The following NAGA variants were observed in gnomAD, a reference collection of about 807,000 sequenced individuals.
NAGA encodes the protein Acetylgalactosaminidase, alpha-N- (alpha-galactosidase B).
A neutral mutation model predicts 45.6 loss-of-function variants in NAGA; 42 were observed. The observed-to-expected ratio is 0.92, with a 90% CI of 0.72 to 1.19. The LOEUF is 1.19. NAGA is among the 50% of genes most tolerant of loss of function. The pLI is 0.00. For synonymous variants in NAGA, 176 were observed against 203.1 expected, an observed-to-expected ratio of 0.87 and a Z score of 1.13; for missense variants, 493 against 544.8, an observed-to-expected ratio of 0.90 and a Z score of 0.95.
In NAGA at chr22:42,062,905, G is replaced by A. The variant is rs969875692; in HGVS notation, c.879C>T (p.Asn293=). The A allele has an allele frequency of 2.5e-6, 4 of 1,614,072 alleles. No individual in the cohort carries two copies. The highest frequency in any genetic ancestry group is 2.7e-5 in the African/African-American group (2 of 74,902). ...STDLRTISAQ[N]MDILQNPLMI... ...TGAGTGGATTCTGCAGAATGTCCATGTTCTGGGCGGAGATGGTACGCAGGT... is the reference window on the plus strand; with the variant it reads ...TGAGTGGATTCTGCAGAATGTCCATATTCTGGGCGGAGATGGTACGCAGGT... Residue 293 remains asparagine, a synonymous_variant, in exon 7 of 9, where the codon AAC becomes AAT. Coordinates refer to ENST00000396398, the MANE Select transcript of NAGA (RefSeq NM_000262.3).
intron 2 of NAGA, among the ~76,000 whole-genome samples, 198 bp downstream of exon 2, chr22:42,068,241 T>C (rs928114116): frequency 1.3e-5 from 2 of 152,116 alleles, no homozygotes; most frequent in Non-Finnish European, 2.9e-5. Context: ...CGTGACCAGG[T>C]TGGGGCCTGA....
chr22:42,068,341 C>CT, intron 2 of NAGA, 98 bp downstream of exon 2: 4 of 1,589,524 alleles, frequency 2.5e-6, no homozygotes, highest in Non-Finnish European at 1.7e-6. Flanking sequence ...ATGGAGAACT[C>CT]TGACCTTGCC....
At position 42,068,543 on chromosome 22, in the gene NAGA, C is replaced by T. The variant is rs1926877276; in HGVS notation, c.48G>A (p.Leu16=). 1 of 1,614,156 alleles carries T rather than the reference C, an allele frequency of 6.2e-7. No individual in the cohort carries two copies. The highest frequency in any genetic ancestry group is 1.3e-5 in the African/African-American group (1 of 75,036). Residue 16 remains leucine, a synonymous_variant, in exon 2 of 9, where the codon CTG becomes CTA. Coordinates refer to ENST00000396398, the MANE Select transcript of NAGA (RefSeq NM_000262.3). ...TCTGCAGGAGCCCATTGTCCAGCAT[C>T]AGCACCTGGGCCACATGTCCCAGCA... ...VLLLGHVAQV[L]MLDNGLLQTP...
chr22:42,063,055 T>C lies in NAGA; in HGVS notation c.760-31A>G, dbSNP rs770149733. ...GGCAGAGAAGAGGAGTAGTCAGCTC[T>C]CATCTCCTCAAGGAGGTAGACACAG... On this transcript the variant is annotated intron_variant, in intron 6 of 8. Transcript: ENST00000396398. The C allele has an allele frequency of 1.9e-6, 3 of 1,603,060 alleles. No homozygotes were observed. The Admixed American group carries it at 5.1e-5, about 27-fold the overall frequency.
intron 5 of NAGA, among the ~76,000 whole-genome samples, chr22:42,066,473 C>T (rs751039926): frequency 2.0e-5 from 3 of 152,216 alleles, no homozygotes; most frequent in Admixed American, 6.5e-5. Flanking sequence ...TTCACAAGGG[C>T]CTCTTCTCTA....
chr22:42,067,046 C>T (rs958064943), intron 4 of NAGA, 67 bp downstream of exon 4: 14 of 1,601,202 alleles, frequency 8.7e-6, no homozygotes, highest in African/African-American at 6.7e-5. Context: ...GCCAGGTGGG[C>T]GCTGGGTGGG....
Position 42,070,446 on chromosome 22 carries a change from A to G in NAGA, c.-149T>C. 1 of 871,206 alleles carries G rather than the reference A, an allele frequency of 1.1e-6. No individual in the cohort carries two copies. The highest frequency in any genetic ancestry group is 1.3e-5 in the South Asian group (1 of 75,408). The allele number at this position is 871,206 out of a possible 1,614,324, so 54.0% of individuals were successfully genotyped here. A position where few individuals can be genotyped will look rare whatever the true frequency, so the allele number is the denominator to read the frequency against. Reference sequence around the variant, plus strand: ...CGGCCGCCCTCAACCTTAGGCGTGGATCGTACACTCGGTCCCCAAGTTGCC... The same window carrying G: ...CGGCCGCCCTCAACCTTAGGCGTGGGTCGTACACTCGGTCCCCAAGTTGCC... On this transcript the variant is annotated 5_prime_UTR_variant, in exon 1 of 9. Transcript: ENST00000396398.
At chr22:42,068,705 T>C (rs1926889833) in intron 1 of NAGA, 131 bp from the exon 2 acceptor site, 2 of 1,306,792 alleles carry the variant, frequency 1.5e-6, no homozygotes, top group Admixed American at 2.2e-5. Context: ...ACTGGACTCC[T>C]GGGTTTAGGG....
At position 42,068,500 on chromosome 22, in the gene NAGA, G is replaced by T. The variant is rs1036331863; in HGVS notation, c.91C>A (p.Leu31Met). ...TTGCAGCGGAAGCGTTCCCAGGCCA[G>T]CCAGCCCATGGGTGGTGTCTGCAGG... ...GLLQTPPMGWLAWERFRCNIN... is the reference protein window; with the variant it reads ...GLLQTPPMGWMAWERFRCNIN... Residue 31 changes from leucine to methionine, a missense_variant, in exon 2 of 9, where the codon CTG becomes ATG. Leu to Met is a conservative substitution (Grantham distance 15). Transcript: ENST00000396398. 10 of 1,614,152 alleles carry T rather than the reference G, an allele frequency of 6.2e-6. No individual in the cohort carries two copies. Among genetic ancestry groups the T allele is most frequent in the Non-Finnish European group, 8.5e-6 (10 of 1,180,022 alleles).
In NAGA at chr22:42,067,258, G is replaced by A. The variant is rs1926795693; in HGVS notation, c.357C>T (p.Tyr119=). Residue 119 remains tyrosine (Y), a synonymous_variant, in exon 4 of 9, where the codon TAC becomes TAT. Transcript: ENST00000396398. ...VHSLGLKLGI[Y]ADMGNFTCMG... Reference sequence around the variant, plus strand: ...TGCAGGTGAAGTTGCCCATGTCCGCGTAGATACCCAACTTCAGGCCCAGGG... The same window carrying A: ...TGCAGGTGAAGTTGCCCATGTCCGCATAGATACCCAACTTCAGGCCCAGGG... 2.5e-6 allele frequency: 4 copies of A among 1,614,020 alleles called. No homozygotes were observed. The highest frequency in any genetic ancestry group is 2.2e-5 in the South Asian group (2 of 91,080).
chr22:42,067,866 G>C lies in NAGA; in HGVS notation c.223C>G (p.Leu75Val), dbSNP rs765103677. ...CCGATCCAGCAGTCATCAATGTTGAGGTATGTGTAGCCCATGTCCCGCCAT... is the reference window on the plus strand; with the variant it reads ...CCGATCCAGCAGTCATCAATGTTGACGTATGTGTAGCCCATGTCCCGCCAT... ...DGWRDMGYTY[L>V]NIDDCWIGGR... Residue 75 changes from leucine to valine, a missense_variant, in exon 3 of 9, where the codon CTC (leucine) becomes GTC (valine). Transcript: ENST00000396398. 11 of 1,613,520 alleles carry C rather than the reference G, an allele frequency of 6.8e-6. 1 individual carries two copies. Among genetic ancestry groups the C allele is most frequent in the African/African-American group, 1.3e-5 (1 of 74,926 alleles).
chr22:42,066,644 G>A lies in NAGA; in HGVS notation c.597+66C>T. On this transcript the variant is annotated intron_variant, in intron 5 of 8. Transcript: ENST00000396398. ...CTGGAAGGCCCCGTCCCTGAAGCCT[G>A]GCACTCAGGAGGTAAGGAGGCCTGG... The A allele has an allele frequency of 4.9e-6, 7 of 1,442,418 alleles. No individual in the cohort carries two copies. The South Asian group carries it at 7.4e-5, about 15-fold the overall frequency. 89.4% of individuals were successfully genotyped at this position (1,442,418 alleles called of 1,614,324 possible).
chr22:42,060,925 TCA>T lies in NAGA; in HGVS notation c.1098_1099del (p.Tyr366Ter). The T allele has an allele frequency of 6.2e-7, 1 of 1,614,068 alleles. No individual in the cohort carries two copies. Among genetic ancestry groups the T allele is most frequent in the South Asian group, 1.1e-5 (1 of 91,070 alleles). ...GGCTGCAGGCAGCCGGGTGCTCACC[TCA>T]TATATCACAGACCCGGTGAAGTTCA... On this transcript the variant is annotated stop_gained and frameshift_variant and splice_region_variant, in exon 8 of 9. Transcript: ENST00000396398. LOFTEE classifies it high-confidence loss of function.
intron 7 of NAGA, among the ~76,000 whole-genome samples, chr22:42,061,881 G>C (rs1926416249): frequency 6.9e-6 from 1 of 145,480 alleles, no homozygotes; most frequent in African/African-American, 2.5e-5. Context: ...GAACCTGGGA[G>C]CCAGAGGTTG....
intron 1 of NAGA, among the ~76,000 whole-genome samples, chr22:42,069,817 G>A (rs571547765): frequency 3.9e-5 from 6 of 152,118 alleles, no homozygotes; most frequent in Admixed American, 2.6e-4. Context: ...TTGAAAAATC[G>A]TTAAGTCGGG....
rs1474093498 is a variant in NAGA at position 42,070,313 on chromosome 22, T to A, written c.-16A>T. On this transcript the variant is annotated 5_prime_UTR_variant, in exon 1 of 9. It adds an upstream start codon to the 5' untranslated region. Transcript: ENST00000396398. ...TCAGCAGCATCGCTCTGGACTCAGCTTCCGAGGACCTGACCAGATCTGGTC... is the reference window on the plus strand; with the variant it reads ...TCAGCAGCATCGCTCTGGACTCAGCATCCGAGGACCTGACCAGATCTGGTC... 1.2e-6 allele frequency: 2 copies of A among 1,614,244 alleles called. No individual in the cohort carries two copies. Among genetic ancestry groups the A allele is most frequent in the Non-Finnish European group, 1.7e-6 (2 of 1,180,030 alleles).
intron 1 of NAGA, among the ~76,000 whole-genome samples, chr22:42,069,002 T>C (rs1602498628): frequency 1.3e-5 from 2 of 152,346 alleles, no homozygotes; most frequent in African/African-American, 4.8e-5. Flanking sequence ...CTCATGCCTG[T>C]AATCCCAACG....
chr22:42,067,369 T>A, intron 3 of NAGA, 79 bp from the exon 4 acceptor site: 1 of 1,564,830 alleles, frequency 6.4e-7, no homozygotes, highest in Non-Finnish European at 8.7e-7. Context: ...CCCCGTCCCA[T>A]TAAACCTCCA....
chr22:42,069,405 A>T (rs905568474), intron 1 of NAGA, among the ~76,000 whole-genome samples: 2 of 152,244 alleles, frequency 1.3e-5, no homozygotes, highest in East Asian at 3.9e-4. Context: ...ACCGTAAGTC[A>T]GGGGTTCAAG....
Sources: allele counts gnomAD v4.1 joint callset (sites outside exome capture counted in the v4.1 genomes callset), GRCh38; gene constraint gnomAD v4.1.1; transcripts MANE v1.5; gene names NCBI Gene and HGNC (gene_info 2026-07-23, HGNC 2026-07-21).